RTL4: variants seen among roughly 807,000 people sequenced by gnomAD.
The protein encoded by RTL4 is retrotransposon Gag-like protein 4.
RTL4 carries 4 observed loss-of-function variants against 5.3 expected under a neutral mutation model. That is an observed-to-expected ratio of 0.75 (90% CI 0.37 to 1.72). The LOEUF is 1.72. Ranked by LOEUF, RTL4 falls within the 40% of genes most tolerant of loss-of-function variation. The pLI, the probability that RTL4 is intolerant of heterozygous loss-of-function variation, is 0.04. For synonymous variants in RTL4, 98 were observed against 87.3 expected, an observed-to-expected ratio of 1.12 and a Z score of -0.68; for missense variants, 260 against 227.1, an observed-to-expected ratio of 1.14 and a Z score of -0.93.
At chrX:112,182,918 A>G in the RTL4 span, among the ~76,000 whole-genome samples, 1 of 111,926 alleles carries the variant, frequency 8.9e-6, no homozygotes, top group East Asian at 2.8e-4. Context: ...CCAGAGAGAA[A>G]GGTTGGGTTA....
chrX:112,412,056 A>G, the RTL4 span, among the ~76,000 whole-genome samples: 1 of 111,032 alleles, frequency 9.0e-6, no homozygotes, highest in Non-Finnish European at 1.9e-5. Flanking sequence ...TCTATATGCC[A>G]ACAGTGAACA....
chrX:112,264,529 G>A, the RTL4 span, among the ~76,000 whole-genome samples: 2 of 112,142 alleles, frequency 1.8e-5, no homozygotes, highest in African/African-American at 6.5e-5. Context: ...GTTAATTCAT[G>A]GAAAGTGATT....
the RTL4 span, among the ~76,000 whole-genome samples, chrX:112,240,721 A>G: frequency 2.7e-5 from 3 of 111,182 alleles, no homozygotes; most frequent in Non-Finnish European, 5.7e-5. Context: ...ACATGTGCAC[A>G]ATATGCAGGT....
chrX:112,146,589 TCAGGGAAATGAGGAGGAAG>T, the RTL4 span, among the ~76,000 whole-genome samples: 8 of 110,067 alleles, frequency 7.3e-5, no homozygotes, highest in Non-Finnish European at 1.5e-4. Context: ...AGGCTAATGG[TCAGGGAAATGAGGAGGAAG>T]CAGGGAAATG....
chrX:112,284,203 A>T, the RTL4 span, among the ~76,000 whole-genome samples: 28 of 107,796 alleles, frequency 2.6e-4, no homozygotes, highest in Admixed American at 5.1e-4. Context: ...ATGTATTTTT[A>T]TATCTATTTA....
chrX:112,109,486 T>C, the RTL4 span, among the ~76,000 whole-genome samples: 40 of 111,690 alleles, frequency 3.6e-4, 1 homozygote, highest in South Asian at 8.7e-3. Context: ...TCCTGCTGAT[T>C]GGTCCATTTT....
At chrX:112,299,779 T>A in the RTL4 span, among the ~76,000 whole-genome samples, 16 of 111,769 alleles carry the variant, frequency 1.4e-4, no homozygotes, top group Admixed American at 9.5e-5. Context: ...CTCAGGAACT[T>A]GATGCCAATA....
chrX:112,223,348 G>A, the RTL4 span, among the ~76,000 whole-genome samples: 2 of 112,316 alleles, frequency 1.8e-5, no homozygotes, highest in African/African-American at 6.5e-5. Context: ...CAGAGATAAT[G>A]CAATTATCAC....
the RTL4 span, among the ~76,000 whole-genome samples, chrX:112,247,292 C>T: frequency 9.0e-6 from 1 of 111,376 alleles, no homozygotes; most frequent in Non-Finnish European, 1.9e-5. Flanking sequence ...ATAGTCATTC[C>T]CTATTCCCAT....
At chrX:112,128,872 T>A in the RTL4 span, among the ~76,000 whole-genome samples, 23 of 111,115 alleles carry the variant, frequency 2.1e-4, no homozygotes, top group South Asian at 8.7e-3. Context: ...CTTCTGTGCA[T>A]CAAAGGACAT....
chrX:112,405,912 C>T, the RTL4 span, among the ~76,000 whole-genome samples: 1 of 110,679 alleles, frequency 9.0e-6, no homozygotes, highest in African/African-American at 3.3e-5. Context: ...GTGTTTTTGT[C>T]CCCTGGGGAG....
chrX:112,091,254 CTT>C, the RTL4 span, among the ~76,000 whole-genome samples: 2 of 111,105 alleles, frequency 1.8e-5, no homozygotes, highest in Admixed American at 9.5e-5. Flanking sequence ...TTATTTATCT[CTT>C]GTCTCATAAT....
At chrX:112,394,023 G>A in the RTL4 span, among the ~76,000 whole-genome samples, 2 of 111,302 alleles carry the variant, frequency 1.8e-5, no homozygotes, top group Non-Finnish European at 3.8e-5. Flanking sequence ...TGAGATCGAA[G>A]GCCCTGGAGG....
chrX:112,177,598 G>A, the RTL4 span, among the ~76,000 whole-genome samples: 3 of 109,156 alleles, frequency 2.7e-5, no homozygotes, highest in Admixed American at 2.0e-4. Flanking sequence ...TTGTTGGACG[G>A]GTAGTTTGCA....
the RTL4 span, among the ~76,000 whole-genome samples, chrX:112,372,597 G>A: frequency 9.0e-6 from 1 of 111,022 alleles, no homozygotes; most frequent in African/African-American, 3.3e-5. Context: ...AGGATCCTGG[G>A]AAGCAACTGA....
the RTL4 span, among the ~76,000 whole-genome samples, chrX:112,199,996 G>A: frequency 8.1e-5 from 9 of 111,770 alleles, no homozygotes; most frequent in Non-Finnish European, 1.5e-4. Flanking sequence ...GTTATGTGCC[G>A]GGCACTCTTC....
chrX:112,249,224 G>A, the RTL4 span, among the ~76,000 whole-genome samples: 1 of 112,167 alleles, frequency 8.9e-6, no homozygotes, highest in African/African-American at 3.2e-5. Flanking sequence ...AGGAAGTGCT[G>A]GTGGGTAACA....
the RTL4 span, among the ~76,000 whole-genome samples, chrX:112,208,862 T>C: frequency 8.9e-6 from 1 of 112,412 alleles, no homozygotes; most frequent in Non-Finnish European, 1.9e-5. Flanking sequence ...CAAGCTCCAA[T>C]GTGGTATCAC....
At chrX:112,304,265 C>G in the RTL4 span, among the ~76,000 whole-genome samples, 2 of 110,845 alleles carry the variant, frequency 1.8e-5, no homozygotes, top group African/African-American at 3.3e-5. Context: ...CAAAGATGCA[C>G]TACTCCAAAG....
Sources: allele counts gnomAD v4.1 joint callset (sites outside exome capture counted in the v4.1 genomes callset), GRCh38; gene constraint gnomAD v4.1.1; transcripts MANE v1.5; gene names NCBI Gene and HGNC (gene_info 2026-07-23, HGNC 2026-07-21).